Variants in TUBA1A observed in about 807,000 individuals in gnomAD.
TUBA1A encodes the protein tubulin alpha-1A chain.
A neutral mutation model predicts 34.6 loss-of-function variants in TUBA1A; 7 were observed. The ratio of observed to expected loss-of-function variants is 0.20; its 90% confidence interval spans 0.11 to 0.38. The LOEUF is 0.38. TUBA1A is among the 10% of genes least tolerant of loss of function. The pLI is 1.00. For synonymous variants in TUBA1A, 193 were observed against 210.2 expected, an observed-to-expected ratio of 0.92 and a Z score of 0.71; for missense variants, 19 against 581.3, an observed-to-expected ratio of 0.03 and a Z score of 9.95.
rs1179787084 is a variant in TUBA1A, at chr12:49,186,487, G to C, written c.227-29C>G. On this transcript the variant is annotated intron_variant, in intron 2 of 3. Transcript: ENST00000301071. This position sits in a 1 kb window ranked among gnomAD's most constrained non-coding sequence, Gnocchi z 6.6. The stretch of plus-strand genomic sequence containing the variant: ...GAGAACATGATGGGGGAGGAGCAGG[G>C]GGGAGGAGGAGGAGGGACGAGGAGC... 1 of 1,613,118 alleles carries C rather than the reference G, an allele frequency of 6.2e-7. No homozygotes were observed. The highest frequency in any genetic ancestry group is 8.5e-7 in the Non-Finnish European group (1 of 1,179,442).
Position 49,188,023 on chromosome 12 carries a change from G to GACAGAC in TUBA1A, c.3+953_3+954insGTCTGT, listed in dbSNP as rs548778055. ...AACGTGCAGTCCAGACAGACAGACA[G>GACAGAC]ACACACACACACACACACACACACT... On this transcript the variant is annotated intron_variant, in intron 1 of 3. Coordinates refer to ENST00000301071, the MANE Select transcript of TUBA1A (RefSeq NM_006009.4). The surrounding 1 kb of genome is among the most constrained non-coding windows in gnomAD (Gnocchi z 4.9). The GACAGAC allele has an allele frequency of 1.5e-6, 1 of 683,336 alleles. No individual in the cohort carries two copies. Among genetic ancestry groups the GACAGAC allele is most frequent in the East Asian group, 1.5e-4 (1 of 6,852 alleles). The allele number at this position is 683,336 out of a possible 1,614,324, so 42.3% of individuals were successfully genotyped here.
chr12:49,185,538 G>T lies in TUBA1A; in HGVS notation c.828C>A (p.Ile276=), dbSNP rs1278233603. 1.2e-6 allele frequency: 2 copies of T among 1,614,068 alleles called. No individual in the cohort carries two copies. The highest frequency in any genetic ancestry group is 1.7e-6 in the Non-Finnish European group (2 of 1,180,002). Reference sequence around the variant, plus strand: ...GTTCATGGTAGGCTTTCTCAGCAGAGATGACAGGGGCATATGTGGCCAGAG... The same window carrying T: ...GTTCATGGTAGGCTTTCTCAGCAGATATGACAGGGGCATATGTGGCCAGAG... ...HFPLATYAPV[I]SAEKAYHEQL... The change falls in exon 4 of 4, where the codon ATC becomes ATA. Residue 276 remains isoleucine (I), a synonymous_variant. Transcript: ENST00000301071.
chr12:49,188,731 C>G lies in TUBA1A; in HGVS notation c.3+246G>C, dbSNP rs1346546689. 4.1e-6 allele frequency: 6 copies of G among 1,454,178 alleles called. No homozygotes were observed. The highest frequency in any genetic ancestry group is 5.4e-6 in the Non-Finnish European group (6 of 1,112,714). 90.1% of individuals were successfully genotyped at this position (1,454,178 alleles called of 1,614,324 possible). On this transcript the variant is annotated intron_variant, in intron 1 of 3. Transcript: ENST00000301071. The surrounding 1 kb of genome is among the most constrained non-coding windows in gnomAD (Gnocchi z 4.9). ...AAAGTCTCTCGGATAACACAGGCGCCTAGGCGCCGCCTTTGTTCCTCCCCA... is the reference window on the plus strand; with the variant it reads ...AAAGTCTCTCGGATAACACAGGCGCGTAGGCGCCGCCTTTGTTCCTCCCCA...
In TUBA1A at chr12:49,188,342, T is replaced by G. The variant is rs536439474; in HGVS notation, c.3+635A>C. ...ACCCCGCCCAGTGGCTCCAACGCCA[T>G]AGAAGCCAGAAACAAACAACCCCGC... On this transcript the variant is annotated intron_variant, in intron 1 of 3. Coordinates refer to ENST00000301071, the MANE Select transcript of TUBA1A (RefSeq NM_006009.4). The surrounding 1 kb of genome is among the most constrained non-coding windows in gnomAD (Gnocchi z 4.9). 2 of 1,530,454 alleles carry G rather than the reference T, an allele frequency of 1.3e-6. No homozygotes were observed. The highest frequency in any genetic ancestry group is 1.4e-5 in the African/African-American group (1 of 72,930). The allele number at this position is 1,530,454 out of a possible 1,614,324, so 94.8% of individuals were successfully genotyped here.
At position 49,188,871 on chromosome 12, in the gene TUBA1A, C is replaced by T. The variant is rs1164213033; in HGVS notation, c.3+106G>A. On this transcript the variant is annotated intron_variant, in intron 1 of 3. Coordinates refer to ENST00000301071, the MANE Select transcript of TUBA1A (RefSeq NM_006009.4). This position sits in a 1 kb window ranked among gnomAD's most constrained non-coding sequence, Gnocchi z 4.9. ...AAACCTCACAAAACATACCACCACC[C>T]TCGCCCAGAGAGCTTACGAAAGAAA... 6 of 1,612,206 alleles carry T rather than the reference C, an allele frequency of 3.7e-6. No individual in the cohort carries two copies. The Admixed American group carries it at 5.0e-5, about 13-fold the overall frequency.
rs1942208377 is a variant in TUBA1A, at chr12:49,188,340, C to T, written c.3+637G>A. ...GAACCCCGCCCAGTGGCTCCAACGC[C>T]ATAGAAGCCAGAAACAAACAACCCC... On this transcript the variant is annotated intron_variant, in intron 1 of 3. Transcript: ENST00000301071. The surrounding 1 kb of genome is among the most constrained non-coding windows in gnomAD (Gnocchi z 4.9). The T allele has an allele frequency of 6.5e-7, 1 of 1,529,840 alleles. No homozygotes were observed. Among genetic ancestry groups the T allele is most frequent in the Non-Finnish European group, 8.8e-7 (1 of 1,142,542 alleles). The allele number at this position is 1,529,840 out of a possible 1,614,324, so 94.8% of individuals were successfully genotyped here.
Position 49,189,069 on chromosome 12 carries a change from A to G in TUBA1A, c.-90T>C. 3 of 1,559,062 alleles carry G rather than the reference A, an allele frequency of 1.9e-6. No homozygotes were observed. Among genetic ancestry groups the G allele is most frequent in the Non-Finnish European group, 2.7e-6 (3 of 1,130,174 alleles). ...AGCGCGACTCTTAGGCGGTCGATGT[A>G]AGAGAACCTGCGGCACATAGGCGGA... On this transcript the variant is annotated 5_prime_UTR_variant, in exon 1 of 4. Coordinates refer to ENST00000301071, the MANE Select transcript of TUBA1A (RefSeq NM_006009.4).
rs1245628543 is a variant in TUBA1A, at chr12:49,188,269, TG to T, written c.3+707del. 1.4e-6 allele frequency: 2 copies of T among 1,396,060 alleles called. No individual in the cohort carries two copies. The highest frequency in any genetic ancestry group is 1.5e-5 in the African/African-American group (1 of 67,934). The allele number at this position is 1,396,060 out of a possible 1,614,324, so 86.5% of individuals were successfully genotyped here. Reference sequence around the variant, plus strand: ...GTTCCGCAATGATGAAAGGTTTTTTTGTTTTTTTTTCAGTCAGCTCCTGACA... The same window carrying T: ...GTTCCGCAATGATGAAAGGTTTTTTTTTTTTTTTTCAGTCAGCTCCTGACA... On this transcript the variant is annotated intron_variant, in intron 1 of 3. Coordinates refer to ENST00000301071, the MANE Select transcript of TUBA1A (RefSeq NM_006009.4). The surrounding 1 kb of genome is among the most constrained non-coding windows in gnomAD (Gnocchi z 4.9).
Position 49,186,926 on chromosome 12 carries a change from A to T in TUBA1A, c.4-93T>A. On this transcript the variant is annotated intron_variant, in intron 1 of 3. Coordinates refer to ENST00000301071, the MANE Select transcript of TUBA1A (RefSeq NM_006009.4). The surrounding 1 kb of genome is among the most constrained non-coding windows in gnomAD (Gnocchi z 6.6). ...TTCAAAAATATTTCTAATAATATAC[A>T]GATATTTTTCTAAATTATTTGAGGT... 6.5e-7 allele frequency: 1 copy of T among 1,543,710 alleles called. No homozygotes were observed. The highest frequency in any genetic ancestry group is 1.2e-5 in the South Asian group (1 of 84,992).
At position 49,188,693 on chromosome 12, in the gene TUBA1A, C is replaced by A. The variant is rs1942214450; in HGVS notation, c.3+284G>T. The A allele has an allele frequency of 1.4e-6, 2 of 1,438,100 alleles. No homozygotes were observed. The highest frequency in any genetic ancestry group is 3.0e-5 in the South Asian group (2 of 66,542). 89.1% of individuals were successfully genotyped at this position (1,438,100 alleles called of 1,614,324 possible). On this transcript the variant is annotated intron_variant, in intron 1 of 3. Coordinates refer to ENST00000301071, the MANE Select transcript of TUBA1A (RefSeq NM_006009.4). The surrounding 1 kb of genome is among the most constrained non-coding windows in gnomAD (Gnocchi z 4.9). ...CCCCTCGGTCGCGGCAGACGGGCTG[C>A]CCGCGGCCCCCGAAAGTCTCTCGGA...
rs1387097316 is a variant in TUBA1A, at chr12:49,188,939, C to A, written c.3+38G>T. The A allele has an allele frequency of 6.2e-7, 1 of 1,614,068 alleles. No individual in the cohort carries two copies. Among genetic ancestry groups the A allele is most frequent in the African/African-American group, 1.3e-5 (1 of 74,938 alleles). On this transcript the variant is annotated intron_variant, in intron 1 of 3. Transcript: ENST00000301071. This position sits in a 1 kb window ranked among gnomAD's most constrained non-coding sequence, Gnocchi z 4.9. Reference sequence around the variant, plus strand: ...CAAGTAGAGCCTGGGGGCGCTGACTCCACCCAACGGCCACAAAGAGCCGAA... The same window carrying A: ...CAAGTAGAGCCTGGGGGCGCTGACTACACCCAACGGCCACAAAGAGCCGAA...
At position 49,188,349 on chromosome 12, in the gene TUBA1A, C is replaced by T. The variant is rs1942208572; in HGVS notation, c.3+628G>A. The T allele has an allele frequency of 2.0e-6, 3 of 1,533,178 alleles. No homozygotes were observed. Among genetic ancestry groups the T allele is most frequent in the South Asian group, 2.4e-5 (2 of 83,916 alleles). 95.0% of individuals were successfully genotyped at this position (1,533,178 alleles called of 1,614,324 possible). A position where few individuals can be genotyped will look rare whatever the true frequency, so the allele number is the denominator to read the frequency against. The stretch of plus-strand genomic sequence containing the variant: ...CCAGTGGCTCCAACGCCATAGAAGC[C>T]AGAAACAAACAACCCCGCCCCTGCG... On this transcript the variant is annotated intron_variant, in intron 1 of 3. Transcript: ENST00000301071. The surrounding 1 kb of genome is among the most constrained non-coding windows in gnomAD (Gnocchi z 4.9).
chr12:49,188,981 G>A lies in TUBA1A; in HGVS notation c.-2C>T. 1.2e-6 allele frequency: 2 copies of A among 1,614,244 alleles called. No homozygotes were observed. Among genetic ancestry groups the A allele is most frequent in the Non-Finnish European group, 1.7e-6 (2 of 1,180,050 alleles). ...AGAGCCGAAGCCGATTCTCACCATG[G>A]TTGCTGCTTCGCGACTGCCGAGCTG... On this transcript the variant is annotated 5_prime_UTR_variant, in exon 1 of 4. Coordinates refer to ENST00000301071, the MANE Select transcript of TUBA1A (RefSeq NM_006009.4). This position sits in a 1 kb window ranked among gnomAD's most constrained non-coding sequence, Gnocchi z 4.9.
chr12:49,187,751 A>C, intron 1 of TUBA1A: 1 of 984,494 alleles, frequency 1.0e-6, no homozygotes, highest in Non-Finnish European at 1.2e-6. Flanking sequence ...GTGGAAGGAT[A>C]ATGAAATATT....
intron 1 of TUBA1A, chr12:49,187,428 T>C (rs1942194457): frequency 1.0e-6 from 1 of 988,608 alleles, no homozygotes; most frequent in African/African-American, 1.7e-5. Flanking sequence ...GCAAGCTCTA[T>C]TTCCAGCAGC....
rs540846526 is a variant in TUBA1A, at chr12:49,187,314, A to T, written c.4-481T>A. The T allele has an allele frequency of 4.3e-3, 4,602 of 1,060,346 alleles. 7 individuals are homozygous for T. Among genetic ancestry groups the T allele is most frequent in the Non-Finnish European group, 5.0e-3 (4,331 of 874,922 alleles). 65.7% of individuals were successfully genotyped at this position (1,060,346 alleles called of 1,614,324 possible). A position where few individuals can be genotyped will look rare whatever the true frequency, so the allele number is the denominator to read the frequency against. On this transcript the variant is annotated intron_variant, in intron 1 of 3. Transcript: ENST00000301071. ...CTTCTGCAGTCTGTCTGCAGAATCC[A>T]TCAATACTAGGAGTTTAGACAAGGT...
At position 49,189,052 on chromosome 12, in the gene TUBA1A, T is replaced by G; in HGVS notation, c.-73A>C. 6.2e-7 allele frequency: 1 copy of G among 1,600,658 alleles called. No homozygotes were observed. Among genetic ancestry groups the G allele is most frequent in the South Asian group, 1.1e-5 (1 of 90,820 alleles). On this transcript the variant is annotated 5_prime_UTR_variant, in exon 1 of 4. Coordinates refer to ENST00000301071, the MANE Select transcript of TUBA1A (RefSeq NM_006009.4). ...AGGTTGTTGCTTCTTACAGCGCGAC[T>G]CTTAGGCGGTCGATGTAAGAGAACC... is the stretch of plus-strand genomic sequence containing the variant.
Position 49,188,023 on chromosome 12 carries a change from G to GAC in TUBA1A, c.3+952_3+953dup, listed in dbSNP as rs58704368. 6.7e-3 allele frequency: 5,955 copies of GAC among 886,998 alleles called. 33 individuals are homozygous for GAC. The highest frequency in any genetic ancestry group is 0.044 in the East Asian group (334 of 7,658). The allele number at this position is 886,998 out of a possible 1,614,324, so 54.9% of individuals were successfully genotyped here. ...AACGTGCAGTCCAGACAGACAGACA[G>GAC]ACACACACACACACACACACACACT... is the stretch of plus-strand genomic sequence containing the variant. On this transcript the variant is annotated intron_variant, in intron 1 of 3. Transcript: ENST00000301071. The surrounding 1 kb of genome is among the most constrained non-coding windows in gnomAD (Gnocchi z 4.9).
At position 49,188,263 on chromosome 12, in the gene TUBA1A, T is replaced by G. The variant is rs1336895318; in HGVS notation, c.3+714A>C. On this transcript the variant is annotated intron_variant, in intron 1 of 3. Coordinates refer to ENST00000301071, the MANE Select transcript of TUBA1A (RefSeq NM_006009.4). This position sits in a 1 kb window ranked among gnomAD's most constrained non-coding sequence, Gnocchi z 4.9. ...CCTACAGTTCCGCAATGATGAAAGG[T>G]TTTTTTGTTTTTTTTTCAGTCAGCT... 1 of 983,776 alleles carries G rather than the reference T, an allele frequency of 1.0e-6. No individual in the cohort carries two copies. The highest frequency in any genetic ancestry group is 1.2e-6 in the Non-Finnish European group (1 of 828,876). The allele number at this position is 983,776 out of a possible 1,614,324, so 60.9% of individuals were successfully genotyped here. A position where few individuals can be genotyped will look rare whatever the true frequency, so the allele number is the denominator to read the frequency against.
Sources: allele counts gnomAD v4.1 joint callset, GRCh38; gene constraint gnomAD v4.1.1; non-coding constraint Gnocchi (gnomAD v3.1); transcripts MANE v1.5; gene names NCBI Gene and HGNC (gene_info 2026-07-23, HGNC 2026-07-21).